Variants in EYA4 observed in about 807,000 individuals in gnomAD.
The protein encoded by EYA4 is EYA transcriptional coactivator and phosphatase 4.
Under a neutral mutation model 87.9 loss-of-function variants are expected in EYA4, and 31 were observed. That is an observed-to-expected ratio of 0.35 (90% CI 0.27 to 0.48). The LOEUF (loss-of-function observed/expected upper bound fraction) is 0.48, where lower values mean the gene tolerates loss of function less well. Among genes scored for constraint, EYA4 ranks in the 20% least tolerant of loss-of-function variants. The probability of loss-of-function intolerance (pLI) is 0.99; values close to 1 mark genes in which losing one functional copy is unlikely to be tolerated. For missense variants in EYA4, 678 were observed against 761.4 expected (o/e 0.89, Z 1.29); for synonymous variants, 263 against 270.6 (o/e 0.97, Z 0.28).
intron 2 of EYA4, among the ~76,000 whole-genome samples, chr6:133,341,688 A>G (rs550265717): frequency 7.9e-5 from 12 of 152,268 alleles, no homozygotes; most frequent in Non-Finnish European, 1.5e-4. Context: ...TCACAAATGA[A>G]TAGCTAGTGG....
At position 133,485,865 on chromosome 6, in the gene EYA4, A is replaced by G. The variant is rs560624537; in HGVS notation, c.1191+2750A>G. Among the ~76,000 whole-genome samples, 209 of 152,348 alleles carry G rather than the reference A, an allele frequency of 1.4e-3. No individual in the cohort carries two copies. In the South Asian group the frequency reaches 0.015, roughly 11 times the overall value. On this transcript the variant is annotated intron_variant, in intron 13 of 19. Coordinates refer to ENST00000355286, the MANE Select transcript of EYA4 (RefSeq NM_004100.5). ...GGATGAGAAAGATAAACTTACATTTATAGGATACCTGTCCTGTGGTTCAGC... is the reference window on the plus strand; with the variant it reads ...GGATGAGAAAGATAAACTTACATTTGTAGGATACCTGTCCTGTGGTTCAGC...
intron 3 of EYA4, among the ~76,000 whole-genome samples, chr6:133,444,273 A>G (rs1472782482): frequency 1.3e-5 from 2 of 151,630 alleles, no homozygotes; most frequent in African/African-American, 4.8e-5. Context: ...TCATTTTCCA[A>G]TTCCTTTCTT....
chr6:133,302,618 G>C (rs1418468002), intron 2 of EYA4, among the ~76,000 whole-genome samples: 3 of 152,044 alleles, frequency 2.0e-5, no homozygotes. Flanking sequence ...TATATACACA[G>C]TACACACAAA....
intron 3 of EYA4, among the ~76,000 whole-genome samples, chr6:133,398,358 G>T (rs1055890333): frequency 7.9e-5 from 12 of 152,240 alleles, no homozygotes; most frequent in African/African-American, 2.6e-4. Context: ...TCTTATGGGG[G>T]AAAGAATTTT....
At chr6:133,504,294 A>G (rs957318681) in intron 13 of EYA4, among the ~76,000 whole-genome samples, 3 of 152,192 alleles carry the variant, frequency 2.0e-5, no homozygotes, top group Admixed American at 1.3e-4. Context: ...CTTTGGGTAT[A>G]TAGTCCCAAA....
At chr6:133,286,537 G>A (rs1185648604) in intron 2 of EYA4, among the ~76,000 whole-genome samples, 2 of 152,154 alleles carry the variant, frequency 1.3e-5, no homozygotes, top group Non-Finnish European at 2.9e-5. Context: ...TAAGCAATGA[G>A]TTATGTCATA....
chr6:133,453,203 A>G (rs903421784), intron 5 of EYA4, among the ~76,000 whole-genome samples: 2 of 152,106 alleles, frequency 1.3e-5, no homozygotes, highest in African/African-American at 2.4e-5. Flanking sequence ...TGTCTTACTA[A>G]TGAACATTTT....
chr6:133,389,662 A>G (rs1787082332), intron 3 of EYA4, among the ~76,000 whole-genome samples: 1 of 152,142 alleles, frequency 6.6e-6, no homozygotes, highest in Non-Finnish European at 1.5e-5. Context: ...AATTGTAATT[A>G]CACTTCTTTC....
rs1800930821 is a variant in EYA4 at position 133,530,251 on chromosome 6, T to A, written c.*1446T>A. 2.0e-6 allele frequency: 2 copies of A among 985,106 alleles called. No homozygotes were observed. Among genetic ancestry groups the A allele is most frequent in the African/African-American group, 3.5e-5 (2 of 57,244 alleles). 61.0% of individuals were successfully genotyped at this position (985,106 alleles called of 1,614,324 possible). ...AGGTTCTCCTCGTAACAGACTTGCA[T>A]ATGTTTGTTAGTTTCTGCCTGTATT... On this transcript the variant is annotated 3_prime_UTR_variant, in exon 20 of 20. Transcript: ENST00000355286.
intron 3 of EYA4, among the ~76,000 whole-genome samples, chr6:133,410,206 TAGTATACTAAAACTTGTCTA>T (rs1330480266): frequency 2.6e-5 from 4 of 152,126 alleles, no homozygotes; most frequent in African/African-American, 9.7e-5. Flanking sequence ...AATGAGATGA[TAGTATACTAAAACTTGTCTA>T]AGTAAATGGT....
At chr6:133,269,329 T>C (rs1302617025) in intron 1 of EYA4, among the ~76,000 whole-genome samples, 1 of 152,160 alleles carries the variant, frequency 6.6e-6, no homozygotes, top group Admixed American at 6.5e-5. Flanking sequence ...TAATCCACCA[T>C]ATCCTATATA....
In EYA4 at chr6:133,382,452, A is replaced by T. The variant is rs766555155; in HGVS notation, c.83+11A>T. 68 of 1,596,518 alleles carry T rather than the reference A, an allele frequency of 4.3e-5. No individual in the cohort carries two copies. In the Admixed American group the frequency reaches 4.8e-4, roughly 11 times the overall value. On this transcript the variant is annotated intron_variant, in intron 3 of 19. Coordinates refer to ENST00000355286, the MANE Select transcript of EYA4 (RefSeq NM_004100.5). Reference sequence around the variant, plus strand: ...ATCTCAGAATTCCAGGTACAGTAAAATAAAGACCAAGACTCCCCTAAGGAG... The same window carrying T: ...ATCTCAGAATTCCAGGTACAGTAAATTAAAGACCAAGACTCCCCTAAGGAG...
chr6:133,298,943 A>G (rs897252520), intron 2 of EYA4, among the ~76,000 whole-genome samples: 9 of 152,206 alleles, frequency 5.9e-5, no homozygotes, highest in Admixed American at 2.0e-4. Flanking sequence ...GCTGTGGATA[A>G]AGATAAGTAA....
At chr6:133,426,979 T>A (rs573506293) in intron 3 of EYA4, among the ~76,000 whole-genome samples, 2 of 151,624 alleles carry the variant, frequency 1.3e-5, no homozygotes, top group African/African-American at 2.4e-5. Flanking sequence ...GAATCTATAT[T>A]TTCCCCCCTA....
At chr6:133,520,037 G>A (rs1017052192) in intron 17 of EYA4, among the ~76,000 whole-genome samples, 1 of 151,900 alleles carries the variant, frequency 6.6e-6, no homozygotes, top group African/African-American at 2.4e-5. Flanking sequence ...CATACTGAAT[G>A]GGCAAAAACT....
At chr6:133,244,306 G>A (rs1774227452) in intron 1 of EYA4, among the ~76,000 whole-genome samples, 1 of 151,964 alleles carries the variant, frequency 6.6e-6, no homozygotes, top group South Asian at 2.1e-4. Context: ...AGTATTTGTT[G>A]AATATTTGAA....
intron 2 of EYA4, among the ~76,000 whole-genome samples, chr6:133,361,649 G>A (rs1248817504): frequency 6.6e-6 from 1 of 152,192 alleles, no homozygotes; most frequent in African/African-American, 2.4e-5. Context: ...ATAAGTTTCT[G>A]GAAGAGAAAG....
chr6:133,409,169 A>G (rs2128534459), intron 3 of EYA4, among the ~76,000 whole-genome samples: 1 of 152,312 alleles, frequency 6.6e-6, no homozygotes, highest in South Asian at 2.1e-4. Flanking sequence ...TGGAGCATAA[A>G]ACCTTCTATT....
intron 2 of EYA4, among the ~76,000 whole-genome samples, chr6:133,299,357 T>G (rs1332037540): frequency 2.0e-5 from 3 of 152,174 alleles, no homozygotes; most frequent in Non-Finnish European, 4.4e-5. Flanking sequence ...TTTTTAGAAT[T>G]TTCTGTGTGT....
Sources: gnomAD v4.1 joint callset for allele counts (sites outside exome capture counted in the v4.1 genomes callset) on GRCh38, gnomAD v4.1.1 for gene constraint, MANE v1.5 for transcripts, NCBI Gene and HGNC (gene_info 2026-07-23, HGNC 2026-07-21) for gene names.